TRPA1: variants seen among roughly 807,000 people sequenced by gnomAD.
TRPA1 encodes the protein ankyrin-like with transmembrane domains 1.
A neutral mutation model predicts 131.3 loss-of-function variants in TRPA1; 129 were observed. The observed-to-expected ratio is 0.98, with a 90% CI of 0.85 to 1.14. The LOEUF (loss-of-function observed/expected upper bound fraction) is 1.14, where lower values mean the gene tolerates loss of function less well. Among genes scored for constraint, TRPA1 ranks in the 50% most tolerant of loss-of-function variants. TRPA1 has a pLI of 0.00. For synonymous variants in TRPA1, 441 were observed against 451.7 expected (o/e 0.98, Z 0.30); for missense variants, 1,304 against 1,354.2 (o/e 0.96, Z 0.58).
At position 72,055,495 on chromosome 8, in the gene TRPA1, T is replaced by C. The variant is rs1348428682; in HGVS notation, c.1470A>G (p.Ala490=). The stretch of plus-strand genomic sequence containing the variant: ...GAACTACTTTATCATGTCCATTCTT[T>C]GCTGCCAGATGGAGAGGAGTCATTC... ...LHGMTPLHLA[A]KNGHDKVVQL... is the part of the protein sequence containing the mutation. The change falls in exon 12 of 27, where the codon GCA becomes GCG. Residue 490 remains alanine, a synonymous_variant. Transcript: ENST00000262209. 2.5e-6 allele frequency: 4 copies of C among 1,613,260 alleles called. No individual in the cohort carries two copies. The Admixed American group carries it at 5.0e-5, about 20-fold the overall frequency.
At chr8:72,086,390 G>A in the TRPA1 span, among the ~76,000 whole-genome samples, 4 of 151,832 alleles carry the variant, frequency 2.6e-5, no homozygotes, top group Admixed American at 6.6e-5. Flanking sequence ...TCTTTGTCTC[G>A]TATTCAAATT....
rs544185133 is a variant in TRPA1 at position 72,022,594 on chromosome 8, T to A, written c.*312A>T. The A allele has an allele frequency of 4.6e-6, 2 of 431,990 alleles. No homozygotes were observed. The highest frequency in any genetic ancestry group is 9.9e-5 in the East Asian group (2 of 20,148). The allele number at this position is 431,990 out of a possible 1,614,324, so 26.8% of individuals were successfully genotyped here. ...TTGCATTTTAGCTTAATAGTTACAT[T>A]TATTACTTCTTTTCATTAAAAATGT... is the stretch of plus-strand genomic sequence containing the variant. On this transcript the variant is annotated 3_prime_UTR_variant, in exon 27 of 27. Coordinates refer to ENST00000262209, the MANE Select transcript of TRPA1 (RefSeq NM_007332.3).
intron 17 of TRPA1, among the ~76,000 whole-genome samples, chr8:72,043,106 T>C (rs1812310931): frequency 6.6e-6 from 1 of 151,842 alleles, no homozygotes; most frequent in African/African-American, 2.4e-5. Context: ...CAAATTCTCC[T>C]TTAAAATACT....
upstream of TRPA1, chr8:72,075,705 G>C (rs942272535): frequency 2.2e-6 from 1 of 453,754 alleles, no homozygotes; most frequent in Non-Finnish European, 4.1e-6. Flanking sequence ...CCTTGGACTC[G>C]CCCCTTCAGG....
rs371329242 is a variant in TRPA1, at chr8:72,071,777, G to C, written c.202C>G (p.His68Asp). The change falls in exon 2 of 27, where the codon CAT becomes GAT. Residue 68 changes from histidine to aspartate, a missense_variant. By Grantham distance (81) the His-to-Asp change is moderately conservative. Transcript: ENST00000262209. ...ATTTGGCCTTCTGCTGCAGCATAAT[G>C]CAAGAAGAAGGTGTCCATATCGTCA... Reference protein sequence around the residue: ...RCDDMDTFFLHYAAAEGQIEL... With the variant: ...RCDDMDTFFLDYAAAEGQIEL... The C allele has an allele frequency of 3.1e-6, 5 of 1,613,452 alleles. No individual in the cohort carries two copies. The African/African-American group carries it at 5.3e-5, about 17-fold the overall frequency.
intron 23 of TRPA1, among the ~76,000 whole-genome samples, chr8:72,032,522 A>G (rs901865401): frequency 6.6e-6 from 1 of 152,242 alleles, no homozygotes; most frequent in African/African-American, 2.4e-5. Context: ...TGAAGGAAAG[A>G]TAACATTAGT....
chr8:72,071,986 G>T lies in TRPA1; in HGVS notation c.112-119C>A, dbSNP rs1806073797. On this transcript the variant is annotated intron_variant, in intron 1 of 26. Coordinates refer to ENST00000262209, the MANE Select transcript of TRPA1 (RefSeq NM_007332.3). ...AAACTATCTATCATGCTTATATGAGGTAAATATTTTTCTTGAAATACACAA... is the reference window on the plus strand; with the variant it reads ...AAACTATCTATCATGCTTATATGAGTTAAATATTTTTCTTGAAATACACAA... 2.0e-5 allele frequency: 18 copies of T among 915,450 alleles called. No individual in the cohort carries two copies. In the South Asian group the frequency reaches 2.5e-4, roughly 13 times the overall value. 56.7% of individuals were successfully genotyped at this position (915,450 alleles called of 1,614,324 possible).
intron 4 of TRPA1, 112 bp from the exon 5 acceptor site, chr8:72,063,683 A>C: frequency 1.4e-6 from 1 of 723,720 alleles, no homozygotes; most frequent in Non-Finnish European, 2.4e-6. Flanking sequence ...GTCTATGTAA[A>C]AGTACATAGA....
chr8:72,067,665 C>A (rs1274238388), intron 3 of TRPA1, among the ~76,000 whole-genome samples: 1 of 152,166 alleles, frequency 6.6e-6, no homozygotes, highest in African/African-American at 2.4e-5. Flanking sequence ...TCAGAGGGAG[C>A]ACAGAGCTCC....
At position 72,062,820 on chromosome 8, in the gene TRPA1, A is replaced by T; in HGVS notation, c.786T>A (p.Gly262=). ...TTACCTCCACTGGGTCTATTTGTGC[A>T]CCATTGTCCAGGCACATTTTGATCA... ...LEMIKMCLDN[G]AQIDPVEKGR... is the part of the protein sequence containing the mutation. Residue 262 remains glycine, a synonymous_variant, in exon 6 of 27, where the codon GGT becomes GGA. Transcript: ENST00000262209. 6.2e-7 allele frequency: 1 copy of T among 1,614,074 alleles called. No homozygotes were observed. Among genetic ancestry groups the T allele is most frequent in the Non-Finnish European group, 8.5e-7 (1 of 1,179,986 alleles).
At chr8:72,058,544 G>T (rs796262560) in intron 8 of TRPA1, among the ~76,000 whole-genome samples, 28 of 152,202 alleles carry the variant, frequency 1.8e-4, no homozygotes, top group African/African-American at 6.5e-4. Context: ...AATGAATATA[G>T]ATGACAATGG....
Position 72,047,141 on chromosome 8 carries a change from A to C in TRPA1, c.1965+7T>G, listed in dbSNP as rs1397014426. ...AATTTCAGATAATGATGATAAAATAAACTTACATAATAGTCTCGGCAGGAC... is the reference window on the plus strand; with the variant it reads ...AATTTCAGATAATGATGATAAAATACACTTACATAATAGTCTCGGCAGGAC... On this transcript the variant is annotated splice_region_variant and intron_variant, in intron 16 of 26. Coordinates refer to ENST00000262209, the MANE Select transcript of TRPA1 (RefSeq NM_007332.3). 7 of 1,590,958 alleles carry C rather than the reference A, an allele frequency of 4.4e-6. No individual in the cohort carries two copies. Among genetic ancestry groups the C allele is most frequent in the Non-Finnish European group, 6.0e-6 (7 of 1,161,274 alleles).
chr8:72,028,450 G>A (rs546509629), intron 24 of TRPA1, among the ~76,000 whole-genome samples: 15 of 152,242 alleles, frequency 9.9e-5, no homozygotes, highest in African/African-American at 2.6e-4. Flanking sequence ...CTCCTTTCAC[G>A]ACGGTATCGA....
At chr8:72,025,540 G>A (rs956458461) in intron 25 of TRPA1, among the ~76,000 whole-genome samples, 2 of 152,146 alleles carry the variant, frequency 1.3e-5, no homozygotes, top group East Asian at 3.9e-4. Context: ...GTGTGTATGT[G>A]TAAATGTGTG....
In TRPA1 at chr8:72,057,029, C is replaced by T. The variant is rs1486097016; in HGVS notation, c.1094-12G>A. On this transcript the variant is annotated splice_polypyrimidine_tract_variant and intron_variant, in intron 9 of 26. Coordinates refer to ENST00000262209, the MANE Select transcript of TRPA1 (RefSeq NM_007332.3). Reference sequence around the variant, plus strand: ...GTCTACTTGGGCACCTAAAAAAAAACACTATGTAAATATAAATTCTATTCA... The same window carrying T: ...GTCTACTTGGGCACCTAAAAAAAAATACTATGTAAATATAAATTCTATTCA... The T allele has an allele frequency of 3.3e-6, 5 of 1,537,562 alleles. No homozygotes were observed. In the South Asian group the frequency reaches 4.6e-5, roughly 14 times the overall value.
chr8:72,063,178 G>A (rs1390679967), intron 5 of TRPA1, among the ~76,000 whole-genome samples: 3 of 151,960 alleles, frequency 2.0e-5, no homozygotes, highest in Non-Finnish European at 4.4e-5. Context: ...TCAGGAGATC[G>A]AGACCAGCCT....
At chr8:72,047,745 A>T (rs534880909) in intron 15 of TRPA1, among the ~76,000 whole-genome samples, 1 of 152,230 alleles carries the variant, frequency 6.6e-6, no homozygotes, top group Admixed American at 6.6e-5. Flanking sequence ...TGAAACACAA[A>T]TGAATTTTGT....
chr8:72,088,257 T>C, the TRPA1 span, among the ~76,000 whole-genome samples: 12 of 152,218 alleles, frequency 7.9e-5, no homozygotes, highest in African/African-American at 2.9e-4. Context: ...AACAACTTTG[T>C]ATATTCAATC....
At chr8:72,038,104 T>G (rs1240601999) in intron 19 of TRPA1, 32 bp from the exon 20 acceptor site, 1 of 1,113,120 alleles carries the variant, frequency 9.0e-7, no homozygotes, top group Non-Finnish European at 1.4e-6. Flanking sequence ...CACATAGTTA[T>G]GAGAGATATA....
Sources: allele counts gnomAD v4.1 joint callset (sites outside exome capture counted in the v4.1 genomes callset), GRCh38; gene constraint gnomAD v4.1.1; transcripts MANE v1.5; gene names NCBI Gene and HGNC (gene_info 2026-07-23, HGNC 2026-07-21).